The following PTPN5 variants were observed in gnomAD, a reference collection of about 807,000 sequenced individuals.
The protein encoded by PTPN5 is protein tyrosine phosphatase non-receptor type 5, also known as tyrosine-protein phosphatase non-receptor type 5.
A neutral mutation model predicts 73.9 loss-of-function variants in PTPN5; 29 were observed. The observed-to-expected ratio is 0.39, with a 90% CI of 0.29 to 0.54. PTPN5 has a LOEUF of 0.54. Among genes scored for constraint, PTPN5 ranks in the 20% least tolerant of loss-of-function variants. The pLI is 0.65. For missense variants in PTPN5, 652 were observed against 751.4 expected (o/e 0.87, Z 1.55); for synonymous variants, 267 against 304.7 (o/e 0.88, Z 1.29).
At chr11:18,790,414 A>G (rs1851863934) in intron 1 of PTPN5, among the ~76,000 whole-genome samples, 1 of 152,040 alleles carries the variant, frequency 6.6e-6, no homozygotes. Flanking sequence ...ATGCCACATC[A>G]CCTGGTCCAA....
chr11:18,766,026 AC>A, intron 2 of PTPN5, 143 bp from the exon 3 acceptor site: 1 of 689,986 alleles, frequency 1.4e-6, no homozygotes, highest in Admixed American at 2.2e-5. Flanking sequence ...TGAGGAAAAT[AC>A]CAGCCTGTTG....
Position 18,742,548 on chromosome 11 carries a change from G to T in PTPN5, c.484-45C>A. 2.5e-6 allele frequency: 4 copies of T among 1,600,870 alleles called. No homozygotes were observed. Among genetic ancestry groups the T allele is most frequent in the East Asian group, 2.2e-5 (1 of 44,768 alleles). The stretch of plus-strand genomic sequence containing the variant: ...TCACAGATTTCGGACCACGCTGGCT[G>T]CCCCCCGTGTTCCTGGAGTGCCCAT... On this transcript the variant is annotated intron_variant, in intron 6 of 14. Coordinates refer to ENST00000358540, the MANE Select transcript of PTPN5 (RefSeq NM_006906.2). This position sits in a 1 kb window ranked among gnomAD's most constrained non-coding sequence, Gnocchi z 4.1.
intron 3 of PTPN5, among the ~76,000 whole-genome samples, chr11:18,748,610 T>TG (rs1384679201): frequency 1.3e-5 from 2 of 152,072 alleles, no homozygotes; most frequent in African/African-American, 4.8e-5. Context: ...GGGAGATGCA[T>TG]GGACCTCAGG....
intron 8 of PTPN5, among the ~76,000 whole-genome samples, chr11:18,738,646 T>C (rs1849224310): frequency 6.6e-6 from 1 of 152,128 alleles, no homozygotes; most frequent in African/African-American, 2.4e-5. Flanking sequence ...TGGTCTCCCC[T>C]ACCCCCATCT....
At chr11:18,785,130 G>A (rs912658847) in intron 1 of PTPN5, among the ~76,000 whole-genome samples, 3 of 152,078 alleles carry the variant, frequency 2.0e-5, no homozygotes, top group African/African-American at 7.2e-5. Context: ...TGGGATTACA[G>A]GCATGAGCCA....
chr11:18,745,199 T>C (rs544163815), intron 3 of PTPN5, among the ~76,000 whole-genome samples: 1 of 152,268 alleles, frequency 6.6e-6, no homozygotes, highest in East Asian at 1.9e-4. Flanking sequence ...GACCAAAACA[T>C]GGATGTATAC....
At chr11:18,755,886 C>G (rs1162735470) in intron 3 of PTPN5, among the ~76,000 whole-genome samples, 1 of 151,648 alleles carries the variant, frequency 6.6e-6, no homozygotes, top group South Asian at 2.1e-4. Flanking sequence ...TGCCTGTAAT[C>G]CCAGTTACTT....
intron 1 of PTPN5, among the ~76,000 whole-genome samples, chr11:18,787,018 G>A (rs534923781): frequency 6.6e-6 from 1 of 152,258 alleles, no homozygotes; most frequent in African/African-American, 2.4e-5. Flanking sequence ...ATTTGTGCGG[G>A]GAGGAGGATG....
intron 4 of PTPN5, 112 bp from the exon 5 acceptor site, chr11:18,743,541 C>T (rs1383051824): frequency 2.1e-6 from 2 of 969,216 alleles, no homozygotes; most frequent in African/African-American, 3.2e-5. Context: ...TCCTGAACCT[C>T]TAAGGTCCAG....
At chr11:18,756,028 T>C in intron 3 of PTPN5, among the ~76,000 whole-genome samples, 1 of 144,956 alleles carries the variant, frequency 6.9e-6, no homozygotes, top group Non-Finnish European at 1.5e-5. Context: ...AAAAAGATGA[T>C]CTTTTTCAAT....
At chr11:18,767,001 AC>A (rs1850673196) in intron 2 of PTPN5, among the ~76,000 whole-genome samples, 1 of 152,304 alleles carries the variant, frequency 6.6e-6, no homozygotes, top group Non-Finnish European at 1.5e-5. Flanking sequence ...TGAGTCTTGG[AC>A]AATATGCCCT....
At position 18,732,585 on chromosome 11, in the gene PTPN5, G is replaced by T; in HGVS notation, c.1329+7C>A. 1 of 1,610,000 alleles carries T rather than the reference G, an allele frequency of 6.2e-7. No homozygotes were observed. The highest frequency in any genetic ancestry group is 8.5e-7 in the Non-Finnish European group (1 of 1,176,824). ...TCAGCTTCACCCAGCCCTGCCCCAG[G>T]CCTCACCTTGAGGGAGATGAGTCGC... On this transcript the variant is annotated splice_region_variant and intron_variant, in intron 12 of 14. Transcript: ENST00000358540.
chr11:18,750,217 C>T (rs1849826314), intron 3 of PTPN5, among the ~76,000 whole-genome samples: 1 of 152,216 alleles, frequency 6.6e-6, no homozygotes, highest in Non-Finnish European at 1.5e-5. Flanking sequence ...ATTTAATCCT[C>T]ACAACAATCC....
intron 5 of PTPN5, 69 bp from the exon 6 acceptor site, chr11:18,743,144 C>A (rs1849451164): frequency 3.1e-6 from 4 of 1,290,594 alleles, no homozygotes; most frequent in Non-Finnish European, 4.4e-6. Flanking sequence ...GCAATGATGA[C>A]AAAACCAAGA....
At chr11:18,754,583 T>C (rs959926305) in intron 3 of PTPN5, among the ~76,000 whole-genome samples, 1 of 152,170 alleles carries the variant, frequency 6.6e-6, no homozygotes, top group African/African-American at 2.4e-5. Context: ...GGGTGGTGAC[T>C]CAACTCAGAG....
chr11:18,785,026 A>G (rs753756215), intron 1 of PTPN5, among the ~76,000 whole-genome samples: 1 of 151,610 alleles, frequency 6.6e-6, no homozygotes, highest in Non-Finnish European at 1.5e-5. Context: ...GCTAATTTTT[A>G]TATTTTTACT....
intron 2 of PTPN5, 24 bp from the exon 3 acceptor site, chr11:18,765,907 G>A: frequency 6.5e-7 from 1 of 1,528,590 alleles, no homozygotes; most frequent in Non-Finnish European, 8.9e-7. Flanking sequence ...GAAAAGGTAA[G>A]AATATGCTGT....
intron 5 of PTPN5, 35 bp from the exon 6 acceptor site, chr11:18,743,110 G>T (rs998314730): frequency 1.4e-6 from 2 of 1,450,560 alleles, no homozygotes; most frequent in Middle Eastern, 1.7e-4. Flanking sequence ...CAGGGTGGTG[G>T]TGGGGGCAGA....
chr11:18,778,621 T>C (rs1851278971), intron 1 of PTPN5, among the ~76,000 whole-genome samples: 1 of 152,202 alleles, frequency 6.6e-6, no homozygotes, highest in South Asian at 2.1e-4. Flanking sequence ...TTGTTCCTGC[T>C]TTCGCTGTGT....
Sources: gnomAD v4.1 joint callset for allele counts (sites outside exome capture counted in the v4.1 genomes callset) on GRCh38, gnomAD v4.1.1 for gene constraint, Gnocchi (gnomAD v3.1) non-coding constraint, MANE v1.5 for transcripts, NCBI Gene and HGNC (gene_info 2026-07-23, HGNC 2026-07-21) for gene names.